FOXRED2: variants seen among roughly 807,000 people sequenced by gnomAD.
FOXRED2 encodes FAD-dependent oxidoreductase domain-containing protein 2.
A neutral mutation model predicts 52.5 loss-of-function variants in FOXRED2; 32 were observed. The ratio of observed to expected loss-of-function variants is 0.61; its 90% CI spans 0.46 to 0.82. FOXRED2 has a LOEUF of 0.82. Among genes scored for constraint, FOXRED2 ranks in the 40% least tolerant of loss-of-function variants. FOXRED2 has a pLI of 0.00. For missense variants in FOXRED2, 848 were observed against 937.5 expected (o/e 0.90, Z 1.25); for synonymous variants, 405 against 398.1 (o/e 1.02, Z -0.21).
In FOXRED2 at chr22:36,489,935, G is replaced by A. The variant is rs190244720; in HGVS notation, c.*73C>T. 158 of 1,427,650 alleles carry A rather than the reference G, an allele frequency of 1.1e-4. No individual in the cohort carries two copies. In the South Asian group the frequency reaches 2.0e-3, roughly 18 times the overall value. 88.4% of individuals were successfully genotyped at this position (1,427,650 alleles called of 1,614,324 possible). ...CGCATTGGCGGGAGTGTGAGGTTGC[G>A]GGGAAAGAGGGACTGACCATGGGCC... On this transcript the variant is annotated 3_prime_UTR_variant, in exon 9 of 9. Coordinates refer to ENST00000397224, the MANE Select transcript of FOXRED2 (RefSeq NM_001102371.2).
At chr22:36,494,351 C>G (rs1933838613) in intron 7 of FOXRED2, among the ~76,000 whole-genome samples, 1 of 152,204 alleles carries the variant, frequency 6.6e-6, no homozygotes, top group Non-Finnish European at 1.5e-5. Context: ...GTCTCAAACT[C>G]CTGACCTCAG....
intron 5 of FOXRED2, 67 bp from the exon 6 acceptor site, chr22:36,498,223 T>C: frequency 6.5e-7 from 1 of 1,540,502 alleles, no homozygotes; most frequent in Non-Finnish European, 8.7e-7. Context: ...CTGGGAGGGA[T>C]GCCCAGGCCT....
At chr22:36,503,569 C>T (rs1387554407) in intron 4 of FOXRED2, among the ~76,000 whole-genome samples, 3 of 152,108 alleles carry the variant, frequency 2.0e-5, no homozygotes, top group Non-Finnish European at 2.9e-5. Context: ...TCTCGGCCTC[C>T]CTAAGTGCTG....
rs1294613783 is a variant in FOXRED2, at chr22:36,489,306, T to C, written c.*702A>G. ...CTTCTCAGTGAGAAAGTTGCTAAGA[T>C]GGCTTTGCAGGGAGCTGTCCTATCG... On this transcript the variant is annotated 3_prime_UTR_variant, in exon 9 of 9. Transcript: ENST00000397224. 2 of 152,228 alleles carry C rather than the reference T, an allele frequency of 1.3e-5. No individual in the cohort carries two copies. Among genetic ancestry groups the C allele is most frequent in the African/African-American group, 4.8e-5 (2 of 41,446 alleles). The allele number at this position is 152,228 out of a possible 1,614,324, so 9.4% of individuals were successfully genotyped here.
In FOXRED2 at chr22:36,487,608, G is replaced by A. The variant is rs1202845682; in HGVS notation, c.*2400C>T. The A allele has an allele frequency of 6.6e-6, 1 of 152,202 alleles. No homozygotes were observed. The highest frequency in any genetic ancestry group is 2.4e-5 in the African/African-American group (1 of 41,446). 9.4% of individuals were successfully genotyped at this position (152,202 alleles called of 1,614,324 possible). Reference sequence around the variant, plus strand: ...AACATACTGATACATTGGTTCTTTGGAGAGGATCTCAGAACTCAATGTACT... The same window carrying A: ...AACATACTGATACATTGGTTCTTTGAAGAGGATCTCAGAACTCAATGTACT... On this transcript the variant is annotated 3_prime_UTR_variant, in exon 9 of 9. Coordinates refer to ENST00000397224, the MANE Select transcript of FOXRED2 (RefSeq NM_001102371.2).
chr22:36,504,550 A>C lies in FOXRED2; in HGVS notation c.744T>G (p.Arg248=), dbSNP rs1934142471. The C allele has an allele frequency of 6.2e-7, 1 of 1,614,172 alleles. No homozygotes were observed. Among genetic ancestry groups the C allele is most frequent in the Non-Finnish European group, 8.5e-7 (1 of 1,180,022 alleles). ...CAACGTAGTGGGTGGCCCAGGACAGACGGACCCGGGAGCGGCTGAGCATAT... is the reference window on the plus strand; with the variant it reads ...CAACGTAGTGGGTGGCCCAGGACAGCCGGACCCGGGAGCGGCTGAGCATAT... ...FIHMLSRSRV[R]LSWATHYVGD... Residue 248 remains arginine (R), a synonymous_variant, in exon 3 of 9, where the codon CGT becomes CGG. Coordinates refer to ENST00000397224, the MANE Select transcript of FOXRED2 (RefSeq NM_001102371.2).
chr22:36,494,785 G>A (rs986095526), intron 7 of FOXRED2, among the ~76,000 whole-genome samples: 1 of 150,002 alleles, frequency 6.7e-6, no homozygotes, highest in Non-Finnish European at 1.5e-5. Context: ...GACTACAGGC[G>A]CACGCCACCA....
chr22:36,490,081 T>A lies in FOXRED2; in HGVS notation c.1982A>T (p.Gln661Leu). ...LEDSSQQLGD[Q>L]EPLGSPLAPG... is the part of the protein sequence containing the mutation. ...AGCCAGGGGGGAACCTAGTGGCTCT[T>A]GGTCGCCAAGCTGCTGGCTGCTGTC... Residue 661 changes from glutamine to leucine, a missense_variant, in exon 9 of 9, where the codon CAA (glutamine) becomes CTA (leucine). By Grantham distance (113) the Gln-to-Leu change is moderately radical. Coordinates refer to ENST00000397224, the MANE Select transcript of FOXRED2 (RefSeq NM_001102371.2). 1 of 1,613,640 alleles carries A rather than the reference T, an allele frequency of 6.2e-7. No individual in the cohort carries two copies. Among genetic ancestry groups the A allele is most frequent in the Non-Finnish European group, 8.5e-7 (1 of 1,179,640 alleles).
rs1481398561 is a variant in FOXRED2 at position 36,505,777 on chromosome 22, A to G, written c.527+119T>C. 14 of 1,194,160 alleles carry G rather than the reference A, an allele frequency of 1.2e-5. No individual in the cohort carries two copies. In the East Asian group the frequency reaches 3.3e-4, roughly 28 times the overall value. The allele number at this position is 1,194,160 out of a possible 1,614,324, so 74.0% of individuals were successfully genotyped here. ...CAGAGTGAGACTCCGTCTTAAAAAA[A>G]AAAAAAAGCGAAATACCCTTTTTCG... On this transcript the variant is annotated intron_variant, in intron 2 of 8. Coordinates refer to ENST00000397224, the MANE Select transcript of FOXRED2 (RefSeq NM_001102371.2).
rs370707373 is a variant in FOXRED2, at chr22:36,501,288, T to C, written c.1169A>G (p.Asp390Gly). 3 of 1,613,976 alleles carry C rather than the reference T, an allele frequency of 1.9e-6. No individual in the cohort carries two copies. The highest frequency in any genetic ancestry group is 2.7e-5 in the African/African-American group (2 of 74,892). Residue 390 changes from aspartate to glycine, a missense_variant, in exon 5 of 9, where the codon GAC (aspartate) becomes GGC (glycine). Transcript: ENST00000397224. ...GAAGCCCCCAGCAGATTTCCGGTAGTCCACCGAGTGGCTGGCAGTACCCAG... is the reference window on the plus strand; with the variant it reads ...GAAGCCCCCAGCAGATTTCCGGTAGCCCACCGAGTGGCTGGCAGTACCCAG... ...FILGTASHSV[D>G]YRKSAGGFIH...
intron 1 of FOXRED2, 68 bp from the exon 2 acceptor site, chr22:36,506,491 G>A (rs544800488): frequency 5.8e-5 from 80 of 1,377,276 alleles, no homozygotes; most frequent in Admixed American, 4.8e-4. Flanking sequence ...GGCCCAGAAA[G>A]AGGCGGGGCC....
At position 36,506,211 on chromosome 22, in the gene FOXRED2, C is replaced by T. The variant is rs866146880; in HGVS notation, c.212G>A (p.Arg71His). ...RAPRPGSFFT[R>H]YPRHRKLISI... ...GATGAGCTTGCGGTGCCGCGGGTAG[C>T]GTGTGAAGAAGCTGCCGGGCCGCGG... Residue 71 changes from arginine to histidine, a missense_variant, in exon 2 of 9, where the codon CGC (arginine) becomes CAC (histidine). Arg to His is a conservative substitution (Grantham distance 29). Transcript: ENST00000397224. The T allele has an allele frequency of 3.1e-6, 5 of 1,613,944 alleles. No individual in the cohort carries two copies. In the African/African-American group the frequency reaches 5.3e-5, roughly 17 times the overall value.
chr22:36,506,080 A>G lies in FOXRED2; in HGVS notation c.343T>C (p.Ser115Pro). 6.2e-7 allele frequency: 1 copy of G among 1,614,216 alleles called. No individual in the cohort carries two copies. Among genetic ancestry groups the G allele is most frequent in the Non-Finnish European group, 8.5e-7 (1 of 1,180,024 alleles). ...HDPRLLFRHY[S>P]RAYFPDARDM... Reference sequence around the variant, plus strand: ...CGGGCGTCGGGGAAGTAGGCACGCGAGTAGTGTCTGAAGAGCAGCCGGGGG... The same window carrying G: ...CGGGCGTCGGGGAAGTAGGCACGCGGGTAGTGTCTGAAGAGCAGCCGGGGG... The change falls in exon 2 of 9, where the codon TCG (serine) becomes CCG (proline). Residue 115 changes from serine (S) to proline (P), a missense_variant. Ser to Pro is a moderately conservative substitution (Grantham distance 74). Coordinates refer to ENST00000397224, the MANE Select transcript of FOXRED2 (RefSeq NM_001102371.2).
Position 36,506,424 on chromosome 22 carries a change from C to T in FOXRED2, c.-1-1G>A. ...CGGGGCCGCAGCGGAGAGGCCCATCCTGCAGCAGATCAGAGGGGTAAGGCC... is the reference window on the plus strand; with the variant it reads ...CGGGGCCGCAGCGGAGAGGCCCATCTTGCAGCAGATCAGAGGGGTAAGGCC... On this transcript the variant is annotated splice_acceptor_variant, in intron 1 of 8. Coordinates refer to ENST00000397224, the MANE Select transcript of FOXRED2 (RefSeq NM_001102371.2). LOFTEE classifies it low-confidence loss of function (5UTR_SPLICE). 1.4e-6 allele frequency: 2 copies of T among 1,433,954 alleles called. No individual in the cohort carries two copies. Among genetic ancestry groups the T allele is most frequent in the South Asian group, 2.9e-5 (2 of 67,822 alleles). The allele number at this position is 1,433,954 out of a possible 1,614,324, so 88.8% of individuals were successfully genotyped here.
intron 5 of FOXRED2, among the ~76,000 whole-genome samples, chr22:36,499,251 A>C (rs1263696770): frequency 6.6e-6 from 1 of 152,166 alleles, no homozygotes; most frequent in Admixed American, 6.6e-5. Flanking sequence ...GAAAAAAGAA[A>C]TATAAATATT....
Position 36,504,185 on chromosome 22 carries a change from T to A in FOXRED2, c.962A>T (p.Asp321Val), listed in dbSNP as rs1934126362. 6.2e-7 allele frequency: 1 copy of A among 1,614,122 alleles called. No homozygotes were observed. Among genetic ancestry groups the A allele is most frequent in the Admixed American group, 1.7e-5 (1 of 60,010 alleles). ...GCGCATGGCAAAGTTGTCATTGTCG[T>A]CCTGGGGGAGGGTGATGGAGTCGGC... ...QSADSITLPQDDNDNFAMRVP... is the reference protein window; with the variant it reads ...QSADSITLPQVDNDNFAMRVP... The change falls in exon 4 of 9, where the codon GAC becomes GTC. Residue 321 changes from aspartate (D) to valine (V), a missense_variant. Transcript: ENST00000397224.
Position 36,505,904 on chromosome 22 carries a change from A to G in FOXRED2, c.519T>C (p.His173=). 4 of 1,611,958 alleles carry G rather than the reference A, an allele frequency of 2.5e-6. No individual in the cohort carries two copies. The highest frequency in any genetic ancestry group is 1.7e-6 in the Non-Finnish European group (2 of 1,178,140). Residue 173 remains histidine, a synonymous_variant, in exon 2 of 9, where the codon CAT becomes CAC. Coordinates refer to ENST00000397224, the MANE Select transcript of FOXRED2 (RefSeq NM_001102371.2). ...TCTGGCACCGGCCTTACCTGCACTGATGCACCTGGCCCTTCTGGTCAGTTA... is the reference window on the plus strand; with the variant it reads ...TCTGGCACCGGCCTTACCTGCACTGGTGCACCTGGCCCTTCTGGTCAGTTA... ...FILTDQKGQV[H]QCSVLFVATG...
chr22:36,489,366 A>G lies in FOXRED2; in HGVS notation c.*642T>C, dbSNP rs915270006. On this transcript the variant is annotated 3_prime_UTR_variant, in exon 9 of 9. Transcript: ENST00000397224. The stretch of plus-strand genomic sequence containing the variant: ...ATCAGCCTGCTGGGCCTATGATGAT[A>G]AGCAGGGCTGACCCTCTTGGGCTCT... 6.6e-6 allele frequency: 1 copy of G among 152,210 alleles called. No homozygotes were observed. Among genetic ancestry groups the G allele is most frequent in the Non-Finnish European group, 1.5e-5 (1 of 68,048 alleles). 9.4% of individuals were successfully genotyped at this position (152,210 alleles called of 1,614,324 possible).
rs762217139 is a variant in FOXRED2 at position 36,504,222 on chromosome 22, T to C, written c.925A>G (p.Thr309Ala). The change falls in exon 4 of 9, where the codon ACC becomes GCC. Residue 309 changes from threonine (T) to alanine (A), a missense_variant. By Grantham distance (58) the Thr-to-Ala change is moderately conservative (BLOSUM62 0). Coordinates refer to ENST00000397224, the MANE Select transcript of FOXRED2 (RefSeq NM_001102371.2). The part of the protein sequence containing the change: ...TPKFFLEEAN[T>A]NQSADSITLP... The stretch of plus-strand genomic sequence containing the variant: ...GTGATGGAGTCGGCACTCTGGTTGG[T>C]GTTGGCTTCTTCCAGGAAGAATTTC... 6.2e-7 allele frequency: 1 copy of C among 1,614,158 alleles called. No individual in the cohort carries two copies. The highest frequency in any genetic ancestry group is 8.5e-7 in the Non-Finnish European group (1 of 1,180,014).
Sources: gnomAD v4.1 joint callset for allele counts (sites outside exome capture counted in the v4.1 genomes callset) on GRCh38, gnomAD v4.1.1 for gene constraint, MANE v1.5 for transcripts, NCBI Gene and HGNC (gene_info 2026-07-23, HGNC 2026-07-21) for gene names.